Variants in ENTHD1 observed in about 807,000 individuals in gnomAD.
ENTHD1 encodes the protein ENTH domain containing 1, also known as ENTH domain-containing protein 1.
ENTHD1 carries 23 observed loss-of-function variants against 39.1 expected under a neutral mutation model. That is an observed-to-expected ratio of 0.59 (90% CI 0.42 to 0.83). The LOEUF is 0.83. Ranked by LOEUF, ENTHD1 falls within the 40% of genes least tolerant of loss-of-function variation. The pLI, the probability that ENTHD1 is intolerant of heterozygous loss-of-function variation, is 0.00. For synonymous variants in ENTHD1, 230 were observed against 258.2 expected (o/e 0.89, Z 1.05); for missense variants, 624 against 705.4 (o/e 0.88, Z 1.31).
chr22:39,768,536 T>A (rs922516603), intron 5 of ENTHD1, among the ~76,000 whole-genome samples: 4 of 152,178 alleles, frequency 2.6e-5, no homozygotes, highest in African/African-American at 9.7e-5. Flanking sequence ...TTTCCAATCA[T>A]GTCTACCACT....
At chr22:39,803,102 G>A (rs2065611890) in intron 5 of ENTHD1, among the ~76,000 whole-genome samples, 1 of 151,990 alleles carries the variant, frequency 6.6e-6, no homozygotes, top group South Asian at 2.1e-4. Flanking sequence ...TGTTCCTGCT[G>A]TCTTCGGAAC....
In ENTHD1 at chr22:39,775,706, C is replaced by T. The variant is rs117959967; in HGVS notation, c.833-10097G>A. ...GGTGCTACTCCTGGAGGTGCAGGAC[C>T]GTGGGAATGGGAATGGAGTTGAGTC... On this transcript the variant is annotated intron_variant, in intron 5 of 6. Transcript: ENST00000325157. 3.8e-4 allele frequency among the ~76,000 whole-genome samples: 58 copies of T among 152,210 alleles called. 1 individual carries two copies. In the East Asian group the frequency reaches 9.9e-3, roughly 26 times the overall value.
chr22:39,856,956 A>C (rs1425369134), intron 3 of ENTHD1, among the ~76,000 whole-genome samples: 2 of 152,186 alleles, frequency 1.3e-5, no homozygotes, highest in Non-Finnish European at 2.9e-5. Context: ...TTTACTTAAC[A>C]GGCTTAGAAC....
intron 3 of ENTHD1, among the ~76,000 whole-genome samples, chr22:39,848,397 G>A (rs958113594): frequency 1.3e-5 from 2 of 152,144 alleles, no homozygotes; most frequent in Admixed American, 1.3e-4. Context: ...GGGATTACAG[G>A]CATGCACCAC....
At chr22:39,759,050 G>T (rs1351156643) in intron 6 of ENTHD1, among the ~76,000 whole-genome samples, 1 of 152,128 alleles carries the variant, frequency 6.6e-6, no homozygotes, top group East Asian at 1.9e-4. Flanking sequence ...GTAAATTTTT[G>T]AGGAATATTG....
chr22:39,864,594 T>A (rs1489979230), intron 2 of ENTHD1, among the ~76,000 whole-genome samples: 2 of 152,184 alleles, frequency 1.3e-5, no homozygotes, highest in Non-Finnish European at 2.9e-5. Context: ...GACACTGATA[T>A]CTTCAGTGTC....
chr22:39,782,332 C>T (rs536969818), intron 5 of ENTHD1, among the ~76,000 whole-genome samples: 2 of 152,082 alleles, frequency 1.3e-5, no homozygotes, highest in African/African-American at 4.8e-5. Flanking sequence ...AAAAATTTTC[C>T]CATCAAAGAA....
At chr22:39,844,091 C>G (rs1328995446) in intron 3 of ENTHD1, among the ~76,000 whole-genome samples, 12 of 152,006 alleles carry the variant, frequency 7.9e-5, no homozygotes, top group Non-Finnish European at 7.4e-5. Context: ...AATTACTGTA[C>G]ATCTTTCTTG....
chr22:39,793,111 T>C (rs2065517991), intron 5 of ENTHD1, among the ~76,000 whole-genome samples: 1 of 152,220 alleles, frequency 6.6e-6, no homozygotes, highest in Non-Finnish European at 1.5e-5. Flanking sequence ...CCCTATCTTT[T>C]TGATAAAAGC....
chr22:39,805,847 G>T (rs1192885052), intron 5 of ENTHD1, among the ~76,000 whole-genome samples: 2 of 151,932 alleles, frequency 1.3e-5, no homozygotes, highest in Non-Finnish European at 2.9e-5. Flanking sequence ...TACTCCTTTG[G>T]GCACACTTGA....
intron 5 of ENTHD1, among the ~76,000 whole-genome samples, chr22:39,809,483 G>T (rs996300858): frequency 6.6e-6 from 1 of 152,208 alleles, no homozygotes; most frequent in Non-Finnish European, 1.5e-5. Context: ...GATGTGAAAA[G>T]AATGAGAGCG....
chr22:39,762,307 C>T (rs1047837786), intron 6 of ENTHD1, among the ~76,000 whole-genome samples: 1 of 152,168 alleles, frequency 6.6e-6, no homozygotes, highest in Non-Finnish European at 1.5e-5. Context: ...TTCCAGCTTC[C>T]CTGCCAGAAC....
intron 6 of ENTHD1, among the ~76,000 whole-genome samples, chr22:39,754,429 T>G (rs1413541759): frequency 6.6e-6 from 1 of 152,238 alleles, no homozygotes; most frequent in African/African-American, 2.4e-5. Flanking sequence ...CTACAGTGTC[T>G]GTTCTAAACC....
At chr22:39,855,279 T>G (rs1041522909) in intron 3 of ENTHD1, among the ~76,000 whole-genome samples, 2 of 152,226 alleles carry the variant, frequency 1.3e-5, no homozygotes, top group Non-Finnish European at 2.9e-5. Context: ...CATATCAAAC[T>G]GAGTTTATTA....
At chr22:39,861,744 G>T in intron 3 of ENTHD1, 21 bp downstream of exon 3, 1 of 1,433,202 alleles carries the variant, frequency 7.0e-7, no homozygotes. Context: ...TGCATTTTAG[G>T]CCAATGTTCA....
At chr22:39,812,163 T>C (rs961723076) in intron 5 of ENTHD1, among the ~76,000 whole-genome samples, 8 of 152,174 alleles carry the variant, frequency 5.3e-5, no homozygotes, top group African/African-American at 1.2e-4. Flanking sequence ...GATAATTCTC[T>C]ATTGTCAATC....
chr22:39,891,366 A>G (rs557356269), intron 1 of ENTHD1, among the ~76,000 whole-genome samples: 26 of 152,338 alleles, frequency 1.7e-4, no homozygotes, highest in Admixed American at 1.4e-3. Context: ...ACAGCTAATT[A>G]GCAACAGTAG....
rs1040006493 is a variant in ENTHD1 at position 39,867,395 on chromosome 22, C to A, written c.350-5388G>T. Among the ~76,000 whole-genome samples, 8 of 151,894 alleles carry A rather than the reference C, an allele frequency of 5.3e-5. No individual in the cohort carries two copies. The highest frequency in any genetic ancestry group is 1.9e-4 in the African/African-American group (8 of 41,332). ...TCCTGTCTCTATTCCTGACCTACTG[C>A]CCTACCAAAATCTACTCTTCTTCCC... On this transcript the variant is annotated intron_variant, in intron 2 of 6. Transcript: ENST00000325157. This position sits in a 1 kb window ranked among gnomAD's most constrained non-coding sequence, Gnocchi z 4.5.
intron 3 of ENTHD1, among the ~76,000 whole-genome samples, chr22:39,846,371 G>GT (rs931110585): frequency 1.3e-4 from 20 of 151,704 alleles, no homozygotes; most frequent in African/African-American, 4.8e-4. Context: ...CAGCTAATTT[G>GT]TTTTTTTTCT....
Sources: gnomAD v4.1 joint callset for allele counts (sites outside exome capture counted in the v4.1 genomes callset) on GRCh38, gnomAD v4.1.1 for gene constraint, Gnocchi (gnomAD v3.1) non-coding constraint, MANE v1.5 for transcripts, NCBI Gene and HGNC (gene_info 2026-07-23, HGNC 2026-07-21) for gene names.